Variants in WDR89 observed in about 807,000 individuals in gnomAD.
The protein encoded by WDR89 is WD repeat domain 89.
A neutral mutation model predicts 29.1 loss-of-function variants in WDR89; 17 were observed. The ratio of observed to expected loss-of-function variants is 0.58; its 90% CI spans 0.40 to 0.88. WDR89 has a LOEUF of 0.88. Among genes scored for constraint, WDR89 ranks in the 40% least tolerant of loss-of-function variants. WDR89 has a pLI of 0.00. For synonymous variants in WDR89, 138 were observed against 157.8 expected, an observed-to-expected ratio of 0.87 and a Z score of 0.94; for missense variants, 396 against 456.3, an observed-to-expected ratio of 0.87 and a Z score of 1.20.
chr14:63,608,083 G>A (rs1255562615), intron 2 of WDR89, among the ~76,000 whole-genome samples: 1 of 152,042 alleles, frequency 6.6e-6, no homozygotes, highest in African/African-American at 2.4e-5. Context: ...GTGCATGCCT[G>A]TAATCCCAGC....
At chr14:63,632,447 A>T (rs1011341163) in intron 1 of WDR89, among the ~76,000 whole-genome samples, 3 of 152,166 alleles carry the variant, frequency 2.0e-5, no homozygotes, top group African/African-American at 4.8e-5. Flanking sequence ...CCTGGCCAAC[A>T]TGGTGAAACC....
At position 63,603,282 on chromosome 14, in the gene WDR89, A is replaced by C. The variant is rs189900451; in HGVS notation, c.-31-3309T>G. 2.0e-5 allele frequency among the ~76,000 whole-genome samples: 3 copies of C among 152,122 alleles called. No homozygotes were observed. The East Asian group carries it at 5.8e-4, about 29-fold the overall frequency. ...TCTCTCTACACACACACACACACAC[A>C]CACCCCACTGCTTTTTAAAAATGAA... On this transcript the variant is annotated intron_variant, in intron 2 of 2. Transcript: ENST00000620954.
chr14:63,620,020 A>AG lies in WDR89; in HGVS notation c.-32+4907_-32+4908insC, dbSNP rs1274108763. 5.9e-5 allele frequency among the ~76,000 whole-genome samples: 9 copies of AG among 151,374 alleles called. No homozygotes were observed. The South Asian group carries it at 8.3e-4, about 14-fold the overall frequency. The stretch of plus-strand genomic sequence containing the variant: ...ACTCCATCTCAAAAAAAAAAAAAAA[A>AG]AAAAGAAAAAGAAGAAATCAGTATG... On this transcript the variant is annotated intron_variant, in intron 2 of 2. Transcript: ENST00000620954.
chr14:63,631,486 C>T (rs1406014787), intron 1 of WDR89, among the ~76,000 whole-genome samples: 3 of 152,030 alleles, frequency 2.0e-5, no homozygotes, highest in Non-Finnish European at 4.4e-5. Context: ...CCACCTCAGC[C>T]TTCCAAGTAG....
At chr14:63,606,612 T>C (rs892507027) in intron 2 of WDR89, among the ~76,000 whole-genome samples, 1 of 152,200 alleles carries the variant, frequency 6.6e-6, no homozygotes, top group Non-Finnish European at 1.5e-5. Flanking sequence ...TAGGCTATAC[T>C]ATCTAGGTTG....
At chr14:63,636,733 G>A (rs1883762846) in intron 1 of WDR89, among the ~76,000 whole-genome samples, 1 of 152,124 alleles carries the variant, frequency 6.6e-6, no homozygotes. Flanking sequence ...AATGAAACTG[G>A]ATCCTCATCT....
chr14:63,612,848 T>C (rs1228309024), intron 2 of WDR89, among the ~76,000 whole-genome samples: 1 of 152,120 alleles, frequency 6.6e-6, no homozygotes, highest in South Asian at 2.1e-4. Flanking sequence ...TATTTTCTAA[T>C]GTCTCCAGGC....
At position 63,615,203 on chromosome 14, in the gene WDR89, C is replaced by T. The variant is rs141436673; in HGVS notation, c.-32+9725G>A. Among the ~76,000 whole-genome samples, 624 of 152,272 alleles carry T rather than the reference C, an allele frequency of 4.1e-3. 13 individuals carry two copies. Among genetic ancestry groups the T allele is most frequent in the Non-Finnish European group, 1.7e-3 (116 of 68,008 alleles). Reference sequence around the variant, plus strand: ...TTTGCATGTAAATCTTGCATCCAAACGTCACCCTTTACGGTAATTCCACAA... The same window carrying T: ...TTTGCATGTAAATCTTGCATCCAAATGTCACCCTTTACGGTAATTCCACAA... On this transcript the variant is annotated intron_variant, in intron 2 of 2. Coordinates refer to ENST00000620954, the MANE Select transcript of WDR89 (RefSeq NM_080666.4).
chr14:63,600,843 G>C (rs761676255), intron 2 of WDR89, among the ~76,000 whole-genome samples: 6 of 149,672 alleles, frequency 4.0e-5, no homozygotes, highest in African/African-American at 7.3e-5. Context: ...ATGGAATTAA[G>C]GTTGCTTATC....
chr14:63,635,296 C>A (rs78009000), intron 1 of WDR89, among the ~76,000 whole-genome samples: 6,477 of 152,234 alleles, frequency 0.043, 191 homozygotes, highest in South Asian at 0.083. Context: ...AAGTAGGTTT[C>A]ATACCAGGAA....
At chr14:63,636,701 T>C (rs1014229629) in intron 1 of WDR89, among the ~76,000 whole-genome samples, 21 of 152,162 alleles carry the variant, frequency 1.4e-4, no homozygotes, top group African/African-American at 1.2e-4. Flanking sequence ...GCTGGGATAA[T>C]TGGCTAGCCA....
In WDR89 at chr14:63,599,549, C is replaced by T. The variant is rs770642898; in HGVS notation, c.394G>A (p.Ala132Thr). ...DINCNDHIIC[A>T]GTEKVDDDAL... ...TCATCATCAACTTTTTCTGTACCAG[C>T]ACAAATAATATGATCATTACAATTA... Residue 132 changes from alanine to threonine, a missense_variant, in exon 3 of 3, where the codon GCT becomes ACT. By Grantham distance (58) the Ala-to-Thr change is moderately conservative. Transcript: ENST00000620954. 6.2e-7 allele frequency: 1 copy of T among 1,614,112 alleles called. No homozygotes were observed. Among genetic ancestry groups the T allele is most frequent in the Non-Finnish European group, 8.5e-7 (1 of 1,180,022 alleles).
chr14:63,636,761 T>A (rs565102020), intron 1 of WDR89, among the ~76,000 whole-genome samples: 1 of 152,046 alleles, frequency 6.6e-6, no homozygotes, highest in Non-Finnish European at 1.5e-5. Context: ...TATACAAAAA[T>A]AAACTCAAGA....
intron 1 of WDR89, among the ~76,000 whole-genome samples, chr14:63,638,250 G>C (rs1883872854): frequency 6.6e-6 from 1 of 152,044 alleles, no homozygotes; most frequent in South Asian, 2.1e-4. Flanking sequence ...TGGCCAAAAA[G>C]TAAGTTTTAA....
At chr14:63,633,136 A>G (rs1471098371) in intron 1 of WDR89, among the ~76,000 whole-genome samples, 3 of 152,160 alleles carry the variant, frequency 2.0e-5, no homozygotes, top group African/African-American at 7.2e-5. Context: ...GTGGGAGTAT[A>G]GAGAATGTTA....
chr14:63,599,530 T>A lies in WDR89; in HGVS notation c.413A>T (p.Asp138Val). 6.2e-7 allele frequency: 1 copy of A among 1,614,124 alleles called. No homozygotes were observed. The highest frequency in any genetic ancestry group is 1.1e-5 in the South Asian group (1 of 91,076). ...HIICAGTEKV[D>V]DDALLVFWDA... Reference sequence around the variant, plus strand: ...CCAAAACACCAACAATGCATCATCATCAACTTTTTCTGTACCAGCACAAAT... The same window carrying A: ...CCAAAACACCAACAATGCATCATCAACAACTTTTTCTGTACCAGCACAAAT... The change falls in exon 3 of 3, where the codon GAT becomes GTT. Residue 138 changes from aspartate (D) to valine (V), a missense_variant. Asp to Val is a radical substitution (Grantham distance 152, BLOSUM62 -3). Transcript: ENST00000620954.
intron 2 of WDR89, among the ~76,000 whole-genome samples, chr14:63,604,325 A>G (rs570151242): frequency 1.1e-4 from 17 of 152,038 alleles, no homozygotes; most frequent in Non-Finnish European, 2.2e-4. Flanking sequence ...ACTTGGGAGG[A>G]CTGCTTGAGC....
chr14:63,624,597 T>C (rs1882917002), intron 2 of WDR89, among the ~76,000 whole-genome samples: 1 of 149,434 alleles, frequency 6.7e-6, no homozygotes, highest in Non-Finnish European at 1.5e-5. Flanking sequence ...ATCCAGAATA[T>C]ATAAAGAATT....
chr14:63,613,926 G>A (rs1219835488), intron 2 of WDR89, among the ~76,000 whole-genome samples: 6 of 150,616 alleles, frequency 4.0e-5, no homozygotes, highest in Admixed American at 2.0e-4. Flanking sequence ...TGGGATTATA[G>A]GCATGAACCA....
Sources: allele counts gnomAD v4.1 joint callset (sites outside exome capture counted in the v4.1 genomes callset), GRCh38; gene constraint gnomAD v4.1.1; transcripts MANE v1.5; gene names NCBI Gene and HGNC (gene_info 2026-07-23, HGNC 2026-07-21).